Variants in SUMF1 observed in about 807,000 individuals in gnomAD.
The protein encoded by SUMF1 is sulfatase modifying factor 1.
Under a neutral mutation model 47.6 loss-of-function variants are expected in SUMF1, and 48 were observed. The observed-to-expected ratio is 1.01, with a 90% CI of 0.80 to 1.28. SUMF1 has a LOEUF of 1.28. Ranked by LOEUF, SUMF1 falls within the 50% of genes most tolerant of loss-of-function variation. The pLI, the probability that SUMF1 is intolerant of heterozygous loss-of-function variation, is 0.00. For synonymous variants in SUMF1, 230 were observed against 192.1 expected, an observed-to-expected ratio of 1.20 and a Z score of -1.63; for missense variants, 571 against 485.4, an observed-to-expected ratio of 1.18 and a Z score of -1.66.
rs1189578170 is a variant in SUMF1, at chr3:4,081,849, T to TA, written c.1015-13105dup. Among the ~76,000 whole-genome samples, 4 of 152,142 alleles carry TA rather than the reference T, an allele frequency of 2.6e-5. No individual in the cohort carries two copies. In the East Asian group the frequency reaches 7.7e-4, roughly 29 times the overall value. ...ATCTACAATCAGGAACTCTGACTGA[T>TA]AAAGTATGTAAAGCTCATACCTGGT... is the stretch of plus-strand genomic sequence containing the variant. On this transcript the variant is annotated intron_variant and NMD_transcript_variant, in intron 8 of 12. Coordinates refer to the SUMF1 transcript ENST00000448413.
intron 8 of SUMF1, among the ~76,000 whole-genome samples, chr3:4,280,814 C>CGTGTGTGTGTGGT (rs1697512471): frequency 7.2e-6 from 1 of 138,034 alleles, no homozygotes. Flanking sequence ...TGGCATTCAC[C>CGTGTGTGTGTGGT]GTGTGTGTGT....
intron 8 of SUMF1, among the ~76,000 whole-genome samples, chr3:4,269,960 A>G (rs1212243001): frequency 6.6e-6 from 1 of 152,216 alleles, no homozygotes; most frequent in East Asian, 1.9e-4. Flanking sequence ...TGAAGTAATG[A>G]TACCATGTAT....
intron 1 of SUMF1, among the ~76,000 whole-genome samples, chr3:4,457,094 A>ATACGTGTGTGTATATATATATT (rs1559313479): frequency 7.3e-6 from 1 of 137,506 alleles, no homozygotes; most frequent in African/African-American, 2.9e-5. Context: ...ATATATATAT[A>ATACGTGTGTGTATATATATATT]TTTTTTTTGT....
chr3:4,253,970 G>C (rs931621295), intron 8 of SUMF1, among the ~76,000 whole-genome samples: 50 of 151,000 alleles, frequency 3.3e-4, no homozygotes, highest in Non-Finnish European at 5.9e-4. Flanking sequence ...CCCCCGAGCA[G>C]CCTAACTGGG....
intron 1 of SUMF1, among the ~76,000 whole-genome samples, chr3:4,461,616 C>A (rs1259425531): frequency 6.6e-6 from 1 of 152,012 alleles, no homozygotes; most frequent in Non-Finnish European, 1.5e-5. Flanking sequence ...TCCATGTGAA[C>A]TTCCGGCCGA....
intron 8 of SUMF1, among the ~76,000 whole-genome samples, chr3:4,069,237 A>G (rs994570583): frequency 1.3e-5 from 2 of 152,152 alleles, no homozygotes; most frequent in Admixed American, 1.3e-4. Context: ...ACACAAATCC[A>G]TGGGGGCAGT....
At chr3:4,430,515 C>A (rs1226391847) in intron 3 of SUMF1, among the ~76,000 whole-genome samples, 3 of 152,086 alleles carry the variant, frequency 2.0e-5, no homozygotes, top group African/African-American at 7.2e-5. Context: ...TATACCATAA[C>A]AAGCACTCAA....
chr3:4,109,817 G>T (rs1002474822), intron 8 of SUMF1, among the ~76,000 whole-genome samples: 1 of 151,992 alleles, frequency 6.6e-6, no homozygotes, highest in Non-Finnish European at 1.5e-5. Context: ...ATTCTAGTTC[G>T]CCATTCATCT....
At chr3:4,456,831 C>T (rs1339038219) in intron 1 of SUMF1, among the ~76,000 whole-genome samples, 7 of 140,178 alleles carry the variant, frequency 5.0e-5, no homozygotes, top group Non-Finnish European at 9.3e-5. Context: ...TGTATATATA[C>T]GTGTATATAT....
chr3:4,252,694 G>A (rs1003788151), intron 8 of SUMF1, among the ~76,000 whole-genome samples: 11 of 151,990 alleles, frequency 7.2e-5, no homozygotes, highest in Non-Finnish European at 1.2e-4. Flanking sequence ...TACATGCACC[G>A]GGCCAACCCC....
At chr3:4,448,979 G>A (rs1702876355) in intron 3 of SUMF1, among the ~76,000 whole-genome samples, 1 of 152,186 alleles carries the variant, frequency 6.6e-6, no homozygotes, top group Non-Finnish European at 1.5e-5. Flanking sequence ...ATGAAACTCG[G>A]AAGTGTCTGG....
At chr3:4,054,314 C>G (rs1695158714) in intron 9 of SUMF1, among the ~76,000 whole-genome samples, 1 of 152,006 alleles carries the variant, frequency 6.6e-6, no homozygotes, top group South Asian at 2.1e-4. Flanking sequence ...GGATTTATCA[C>G]AGGAATGATA....
In SUMF1 at chr3:4,083,253, C is replaced by T. The variant is rs191269041; in HGVS notation, c.1015-14508G>A. Among the ~76,000 whole-genome samples, 57 of 152,266 alleles carry T rather than the reference C, an allele frequency of 3.7e-4. 1 individual carries two copies. Among genetic ancestry groups the T allele is most frequent in the African/African-American group, 1.2e-3 (49 of 41,524 alleles). Reference sequence around the variant, plus strand: ...TGGCGGCTACACAATTGGAACCTCACGGACAGTCTGCCTACCCTTTAAACA... The same window carrying T: ...TGGCGGCTACACAATTGGAACCTCATGGACAGTCTGCCTACCCTTTAAACA... On this transcript the variant is annotated intron_variant and NMD_transcript_variant, in intron 8 of 12. Coordinates refer to the SUMF1 transcript ENST00000448413.
In SUMF1 at chr3:4,441,327, T is replaced by C. The variant is rs143716799; in HGVS notation, c.519+7939A>G. On this transcript the variant is annotated intron_variant, in intron 3 of 8. Coordinates refer to ENST00000272902, the MANE Select transcript of SUMF1 (RefSeq NM_182760.4). ...ATCACCCCCAGATGGGACTGCATAGTTGCAAGAAAACAAGCTCTGGGCTCC... is the reference window on the plus strand; with the variant it reads ...ATCACCCCCAGATGGGACTGCATAGCTGCAAGAAAACAAGCTCTGGGCTCC... Among the ~76,000 whole-genome samples the C allele has an allele frequency of 1.2e-3, 187 of 152,368 alleles. 1 individual carries two copies. Among genetic ancestry groups the C allele is most frequent in the African/African-American group, 4.4e-3 (181 of 41,592 alleles).
intron 8 of SUMF1, among the ~76,000 whole-genome samples, chr3:4,074,407 C>A (rs1379398516): frequency 6.6e-6 from 1 of 151,970 alleles, no homozygotes; most frequent in East Asian, 1.9e-4. Flanking sequence ...AAAATCAACA[C>A]CATAACATCA....
At chr3:4,174,138 T>C (rs1472388570) in intron 8 of SUMF1, among the ~76,000 whole-genome samples, 3 of 151,762 alleles carry the variant, frequency 2.0e-5, no homozygotes, top group Non-Finnish European at 2.9e-5. Context: ...AGGTGGATCA[T>C]GAGGTCAGGA....
chr3:4,337,183 G>GTCCC (rs112358792), intron 8 of SUMF1, among the ~76,000 whole-genome samples: 26 of 129,394 alleles, frequency 2.0e-4, no homozygotes, highest in Admixed American at 1.1e-3. Flanking sequence ...TCTCTTTTCT[G>GTCCC]TCCCTCCCTC....
At position 4,396,515 on chromosome 3, in the gene SUMF1, C is replaced by G. The variant is rs112025615; in HGVS notation, c.954+14350G>C. On this transcript the variant is annotated intron_variant, in intron 7 of 8. Coordinates refer to ENST00000272902, the MANE Select transcript of SUMF1 (RefSeq NM_182760.4). ...AACCAGTATCTAGTCTGGGCTCTAT[C>G]CTTTCCCTTCTGGCCTGAGTTCCCT... Among the ~76,000 whole-genome samples, 380 of 152,294 alleles carry G rather than the reference C, an allele frequency of 2.5e-3. 2 individuals are homozygous for G. The highest frequency in any genetic ancestry group is 8.6e-3 in the African/African-American group (357 of 41,566).
chr3:4,131,195 T>C (rs539291943), intron 8 of SUMF1, among the ~76,000 whole-genome samples: 3 of 152,300 alleles, frequency 2.0e-5, no homozygotes, highest in African/African-American at 7.2e-5. Context: ...AAGTGTGTCA[T>C]GCGCAGTAAC....
Sources: allele counts gnomAD v4.1 joint callset (sites outside exome capture counted in the v4.1 genomes callset), GRCh38; gene constraint gnomAD v4.1.1; transcripts MANE v1.5; gene names NCBI Gene and HGNC (gene_info 2026-07-23, HGNC 2026-07-21).